Variants in TAFA2 observed in about 807,000 individuals in gnomAD.
The protein encoded by TAFA2 is TAFA chemokine like family member 2, also known as chemokine-like protein TAFA-2.
TAFA2 carries 7 observed loss-of-function variants against 18.8 expected under a neutral mutation model. That is an observed-to-expected ratio of 0.37 (90% CI 0.21 to 0.70). The LOEUF (loss-of-function observed/expected upper bound fraction) is 0.70. TAFA2 is among the 30% of genes least tolerant of loss of function. TAFA2 has a pLI of 0.53. For missense variants in TAFA2, 122 were observed against 158.1 expected, an observed-to-expected ratio of 0.77 and a Z score of 1.23; for synonymous variants, 60 against 54.2, an observed-to-expected ratio of 1.11 and a Z score of -0.47.
At chr12:61,859,556 G>A (rs1261868676) in intron 2 of TAFA2, among the ~76,000 whole-genome samples, 4 of 152,194 alleles carry the variant, frequency 2.6e-5, no homozygotes, top group Non-Finnish European at 5.9e-5. Context: ...CGATTCTTCT[G>A]CCTCAGCCTC....
chr12:61,814,813 G>A (rs1872011325), intron 2 of TAFA2, among the ~76,000 whole-genome samples: 1 of 151,394 alleles, frequency 6.6e-6, no homozygotes, highest in African/African-American at 2.5e-5. Context: ...CAGAGAAAGA[G>A]ATTGAAAGAT....
intron 1 of TAFA2, among the ~76,000 whole-genome samples, chr12:61,871,052 A>T (rs11174207): frequency 0.09 from 13,731 of 152,174 alleles, 915 homozygotes; most frequent in East Asian, 0.19. Flanking sequence ...AGTGGTTAAC[A>T]TGAGAGGAAG....
intron 4 of TAFA2, among the ~76,000 whole-genome samples, chr12:61,725,566 T>C (rs1179749994): frequency 6.6e-6 from 1 of 152,078 alleles, no homozygotes; most frequent in African/African-American, 2.4e-5. Context: ...TATGCTTTTG[T>C]TTGCTTTGTC....
At chr12:61,864,486 A>G (rs1874264925) in intron 2 of TAFA2, among the ~76,000 whole-genome samples, 1 of 151,308 alleles carries the variant, frequency 6.6e-6, no homozygotes, top group Admixed American at 6.6e-5. Flanking sequence ...CAAAAACATG[A>G]GTGAAAACAA....
intron 1 of TAFA2, among the ~76,000 whole-genome samples, chr12:62,117,178 T>A (rs1869998337): frequency 6.6e-6 from 1 of 152,206 alleles, no homozygotes; most frequent in Non-Finnish European, 1.5e-5. Flanking sequence ...AACAAACAGA[T>A]GTGAATAAGT....
At chr12:61,944,080 A>G (rs200855095) in intron 1 of TAFA2, among the ~76,000 whole-genome samples, 42,206 of 112,188 alleles carry the variant, frequency 0.38, 7,632 homozygotes, top group East Asian at 0.63. Flanking sequence ...CAAATGTAAA[A>G]GAACAGAAAT....
At chr12:61,840,163 A>G (rs1873114015) in intron 2 of TAFA2, among the ~76,000 whole-genome samples, 1 of 152,052 alleles carries the variant, frequency 6.6e-6, no homozygotes, top group South Asian at 2.1e-4. Context: ...GTGCTTCAGG[A>G]GTCAAGTTAA....
chr12:61,808,449 G>T (rs1592402797), intron 2 of TAFA2, among the ~76,000 whole-genome samples: 1 of 151,336 alleles, frequency 6.6e-6, no homozygotes, highest in East Asian at 1.9e-4. Flanking sequence ...GTACATAATT[G>T]TACATGTGTG....
rs147184565 is a variant in TAFA2, at chr12:62,168,945, T to TACACACACACAC, written c.-2+22302_-2+22313dup. ...CACTCTCTCATTCTCACTCACTCTC[T>TACACACACACAC]ACACACACACACACACACACACACA... On this transcript the variant is annotated intron_variant, in intron 1 of 4. Coordinates refer to ENST00000416284, the MANE Select transcript of TAFA2 (RefSeq NM_178539.5). 8.6e-3 allele frequency among the ~76,000 whole-genome samples: 1,280 copies of TACACACACACAC among 148,922 alleles called. 7 individuals are homozygous for TACACACACACAC. Among genetic ancestry groups the TACACACACACAC allele is most frequent in the Middle Eastern group, 0.021 (6 of 292 alleles).
chr12:62,037,608 C>T (rs1881643836), intron 1 of TAFA2, among the ~76,000 whole-genome samples: 1 of 152,198 alleles, frequency 6.6e-6, no homozygotes, highest in African/African-American at 2.4e-5. Flanking sequence ...CGACCCACTA[C>T]AGACTTATGG....
chr12:62,020,195 A>G (rs777784933), intron 1 of TAFA2, among the ~76,000 whole-genome samples: 115 of 152,336 alleles, frequency 7.5e-4, no homozygotes, highest in Non-Finnish European at 1.3e-3. Context: ...CATAAAAATG[A>G]CTTCAGAACA....
chr12:61,809,333 C>T (rs751680498), intron 2 of TAFA2, among the ~76,000 whole-genome samples: 20 of 151,404 alleles, frequency 1.3e-4, no homozygotes, highest in Non-Finnish European at 2.4e-4. Flanking sequence ...TAAAACAGTA[C>T]TTATTGTGTA....
At chr12:61,722,168 T>G (rs1372893396) in intron 4 of TAFA2, among the ~76,000 whole-genome samples, 2 of 152,150 alleles carry the variant, frequency 1.3e-5, no homozygotes, top group Non-Finnish European at 2.9e-5. Context: ...AAGTTAAAAG[T>G]AAAGTAAAGC....
At chr12:62,053,907 G>A (rs1465524549) in intron 1 of TAFA2, among the ~76,000 whole-genome samples, 1 of 152,180 alleles carries the variant, frequency 6.6e-6, no homozygotes, top group African/African-American at 2.4e-5. Context: ...CATAGAAAAT[G>A]TTGAATAAAT....
chr12:62,032,369 T>A (rs941926358), intron 1 of TAFA2, among the ~76,000 whole-genome samples: 2 of 152,156 alleles, frequency 1.3e-5, no homozygotes, highest in African/African-American at 4.8e-5. Flanking sequence ...GGCATGCACA[T>A]TAGGATGTAA....
chr12:61,779,089 A>G (rs1206374767), intron 2 of TAFA2, among the ~76,000 whole-genome samples: 3 of 151,854 alleles, frequency 2.0e-5, no homozygotes, highest in Non-Finnish European at 2.9e-5. Flanking sequence ...AAAACAAACC[A>G]CATTTATCAT....
chr12:62,121,095 C>G (rs1036036195), intron 1 of TAFA2, among the ~76,000 whole-genome samples: 1 of 152,050 alleles, frequency 6.6e-6, no homozygotes, highest in African/African-American at 2.4e-5. Flanking sequence ...CTCCGGTGAT[C>G]TGGCTGCATC....
At chr12:61,799,796 T>A (rs889367653) in intron 2 of TAFA2, among the ~76,000 whole-genome samples, 1 of 152,038 alleles carries the variant, frequency 6.6e-6, no homozygotes, top group Non-Finnish European at 1.5e-5. Context: ...CACTCCAGCC[T>A]GGGCGACAGA....
chr12:61,899,774 G>A (rs965620627), intron 1 of TAFA2, among the ~76,000 whole-genome samples: 5 of 152,166 alleles, frequency 3.3e-5, no homozygotes, highest in African/African-American at 9.6e-5. Flanking sequence ...TACTGAAAAT[G>A]TATAGACTTT....
Sources: allele counts gnomAD v4.1 joint callset (sites outside exome capture counted in the v4.1 genomes callset), GRCh38; gene constraint gnomAD v4.1.1; transcripts MANE v1.5; gene names NCBI Gene and HGNC (gene_info 2026-07-23, HGNC 2026-07-21).